The following TASOR variants were observed in gnomAD, a reference collection of about 807,000 sequenced individuals.
TASOR encodes transcription activation suppressor.
In TASOR, 53 loss-of-function variants were observed where a neutral mutation model predicts 178.6. The ratio of observed to expected loss-of-function variants is 0.30; its 90% CI spans 0.24 to 0.37. TASOR has a LOEUF of 0.37. Among genes scored for constraint, TASOR ranks in the 10% least tolerant of loss-of-function variants. TASOR has a pLI of 1.00. For missense variants in TASOR, 1,815 were observed against 1,971.4 expected (o/e 0.92, Z 1.50); for synonymous variants, 713 against 696.2 (o/e 1.02, Z -0.38).
chr3:56,677,060 G>C (rs1288538560), intron 1 of TASOR, among the ~76,000 whole-genome samples: 1 of 152,152 alleles, frequency 6.6e-6, no homozygotes. Context: ...AGGATTTCAA[G>C]TCAACTTGCT....
In TASOR at chr3:56,683,027, T is replaced by C; in HGVS notation, c.-21A>G. On this transcript the variant is annotated 5_prime_UTR_variant, in exon 1 of 24. Coordinates refer to ENST00000683822, the MANE Select transcript of TASOR (RefSeq NM_001365635.2). The stretch of plus-strand genomic sequence containing the variant: ...GCCATCGCGCCGGCCTAAGGAGCTC[T>C]GGGAAGCTTCTGCCCACAAGGTCGA... 1 of 1,508,994 alleles carries C rather than the reference T, an allele frequency of 6.6e-7. No homozygotes were observed. The allele number at this position is 1,508,994 out of a possible 1,614,324, so 93.5% of individuals were successfully genotyped here.
intron 14 of TASOR, among the ~76,000 whole-genome samples, chr3:56,645,735 T>C (rs2077222752): frequency 1.3e-5 from 2 of 152,224 alleles, no homozygotes; most frequent in Non-Finnish European, 2.9e-5. Context: ...TCCTGGATTC[T>C]TGGGGTAGAA....
At position 56,669,825 on chromosome 3, in the gene TASOR, A is replaced by G. The variant is rs1323314718; in HGVS notation, c.644-34T>C. ...GACGGAAAAATTAAGGAAACTGATT[A>G]TATTTTTCAAAATCACTAGGACTAA... On this transcript the variant is annotated intron_variant, in intron 4 of 23. Coordinates refer to ENST00000683822, the MANE Select transcript of TASOR (RefSeq NM_001365635.2). The G allele has an allele frequency of 1.7e-5, 24 of 1,419,788 alleles. No homozygotes were observed. In the East Asian group the frequency reaches 5.0e-4, roughly 29 times the overall value. The allele number at this position is 1,419,788 out of a possible 1,614,324, so 87.9% of individuals were successfully genotyped here.
chr3:56,663,551 A>G lies in TASOR; in HGVS notation c.1044T>C (p.Asp348=). ...PSSRSNSFNT[D]RNIDKYNYTL... ...ACATAAATCTCTTACCTATGTTTCTATCTGTATTAAAGCTGTTAGATCTAC... is the reference window on the plus strand; with the variant it reads ...ACATAAATCTCTTACCTATGTTTCTGTCTGTATTAAAGCTGTTAGATCTAC... Residue 348 remains aspartate (D), a synonymous_variant, in exon 8 of 24, where the codon GAT becomes GAC. Coordinates refer to ENST00000683822, the MANE Select transcript of TASOR (RefSeq NM_001365635.2). The G allele has an allele frequency of 8.5e-7, 1 of 1,180,182 alleles. No individual in the cohort carries two copies. The highest frequency in any genetic ancestry group is 1.6e-5 in the African/African-American group (1 of 63,860). The allele number at this position is 1,180,182 out of a possible 1,614,324, so 73.1% of individuals were successfully genotyped here.
intron 2 of TASOR, 30 bp downstream of exon 2, chr3:56,673,550 A>G (rs765418704): frequency 4.7e-6 from 7 of 1,489,412 alleles, no homozygotes; most frequent in South Asian, 4.2e-5. Flanking sequence ...TCTGAAAACA[A>G]TCTTACAGTA....
intron 1 of TASOR, among the ~76,000 whole-genome samples, chr3:56,679,311 AGT>A (rs1193629043): frequency 6.6e-6 from 1 of 152,228 alleles, no homozygotes; most frequent in African/African-American, 2.4e-5. Flanking sequence ...GGTTGAACAT[AGT>A]GTACAATTAG....
chr3:56,646,825 A>C lies in TASOR; in HGVS notation c.1912T>G (p.Tyr638Asp). 1 of 1,611,236 alleles carries C rather than the reference A, an allele frequency of 6.2e-7. No homozygotes were observed. The highest frequency in any genetic ancestry group is 8.5e-7 in the Non-Finnish European group (1 of 1,179,420). ...KLQQFSPLSD[Y>D]EGQEEEMNGT... ...TTCATTTCTTCTTCTTGACCTTCAT[A>C]ATCTGAAAGTGGACTAAACTGCTGA... The change falls in exon 14 of 24, where the codon TAT becomes GAT. Residue 638 changes from tyrosine to aspartate, a missense_variant. Around this residue, in one of 5 missense-constraint regions of TASOR, gnomAD observed 504 missense variants for 645.3 expected, o/e 0.78. Coordinates refer to ENST00000683822, the MANE Select transcript of TASOR (RefSeq NM_001365635.2).
At chr3:56,676,962 C>T (rs966496527) in intron 1 of TASOR, among the ~76,000 whole-genome samples, 5 of 152,180 alleles carry the variant, frequency 3.3e-5, no homozygotes, top group Admixed American at 2.0e-4. Context: ...TTGCAAATGC[C>T]TCAGTGGCTT....
At chr3:56,659,077 T>G (rs1361365202) in intron 11 of TASOR, among the ~76,000 whole-genome samples, 2 of 152,140 alleles carry the variant, frequency 1.3e-5, no homozygotes, top group East Asian at 3.8e-4. Flanking sequence ...CCTGGAAGTT[T>G]TATGTCAATC....
intron 1 of TASOR, among the ~76,000 whole-genome samples, chr3:56,675,060 C>T (rs993371700): frequency 2.6e-5 from 4 of 152,100 alleles, no homozygotes; most frequent in Admixed American, 6.6e-5. Context: ...CTCCTGACCT[C>T]GTGATCCACC....
intron 14 of TASOR, 145 bp downstream of exon 14, chr3:56,646,377 G>T: frequency 1.5e-6 from 1 of 652,418 alleles, no homozygotes; most frequent in Non-Finnish European, 2.6e-6. Flanking sequence ...AAATGGGCAT[G>T]GCTGTATTCA....
At chr3:56,639,915 G>T in intron 16 of TASOR, 71 bp downstream of exon 16, 1 of 1,387,404 alleles carries the variant, frequency 7.2e-7, no homozygotes, top group Non-Finnish European at 9.9e-7. Context: ...ATCCACAGAA[G>T]ATGGAAACAT....
chr3:56,662,207 A>T (rs2077613423), intron 9 of TASOR, among the ~76,000 whole-genome samples, 178 bp downstream of exon 9: 1 of 152,160 alleles, frequency 6.6e-6, no homozygotes, highest in African/African-American at 2.4e-5. Flanking sequence ...ACAGAGACGT[A>T]GAGGACTCAT....
intron 3 of TASOR, 178 bp downstream of exon 3, chr3:56,671,422 C>A: frequency 1.9e-6 from 1 of 519,700 alleles, no homozygotes; most frequent in Non-Finnish European, 3.4e-6. Context: ...AGAGAAAAAA[C>A]TGAGTACATT....
chr3:56,661,971 C>A (rs867932538), intron 9 of TASOR, among the ~76,000 whole-genome samples: 32 of 149,970 alleles, frequency 2.1e-4, no homozygotes, highest in African/African-American at 7.6e-4. Flanking sequence ...ACTAAAAATA[C>A]AAAAAAAAAT....
intron 14 of TASOR, among the ~76,000 whole-genome samples, chr3:56,643,017 A>G (rs963582020): frequency 2.8e-4 from 43 of 151,722 alleles, no homozygotes; most frequent in African/African-American, 9.9e-4. Flanking sequence ...TAATCTCAGC[A>G]CTTTGGAAGG....
chr3:56,683,076 G>C lies in TASOR; in HGVS notation c.-70C>G, dbSNP rs1412887637. 3 of 1,422,182 alleles carry C rather than the reference G, an allele frequency of 2.1e-6. No homozygotes were observed. The Admixed American group carries it at 8.4e-5, about 40-fold the overall frequency. The allele number at this position is 1,422,182 out of a possible 1,614,324, so 88.1% of individuals were successfully genotyped here. ...GACGGGTGTGGGGGGAAGGGGCGGCGGGCCAGTCTCGCCGCCGAGCTGCTC... is the reference window on the plus strand; with the variant it reads ...GACGGGTGTGGGGGGAAGGGGCGGCCGGCCAGTCTCGCCGCCGAGCTGCTC... On this transcript the variant is annotated 5_prime_UTR_variant, in exon 1 of 24. Transcript: ENST00000683822.
rs997367278 is a variant in TASOR, at chr3:56,671,671, G to T, written c.499C>A (p.Leu167Met). Residue 167 changes from leucine to methionine, a missense_variant, in exon 3 of 24, where the codon CTG becomes ATG. Leu to Met is a conservative substitution (Grantham distance 15). Coordinates refer to ENST00000683822, the MANE Select transcript of TASOR (RefSeq NM_001365635.2). ...EKEFTEKRRELKFDGRLDKEL... is the reference protein window; with the variant it reads ...EKEFTEKRREMKFDGRLDKEL... The stretch of plus-strand genomic sequence containing the variant: ...TTATCTAAACGACCATCAAACTTCA[G>T]TTCTCTTCGCTTTTCTGTAAACTAA... 1.3e-6 allele frequency: 2 copies of T among 1,548,718 alleles called. No individual in the cohort carries two copies. The highest frequency in any genetic ancestry group is 3.9e-5 in the Admixed American group (2 of 50,796).
chr3:56,624,457 A>C (rs772466594), intron 23 of TASOR, 22 bp downstream of exon 23: 1 of 1,603,894 alleles, frequency 6.2e-7, no homozygotes, highest in Admixed American at 1.7e-5. Context: ...GTTAAAGAAA[A>C]TGAAAACCAC....
Sources: gnomAD v4.1 joint callset for allele counts (sites outside exome capture counted in the v4.1 genomes callset) on GRCh38, gnomAD v4.1.1 for gene constraint, gnomAD v4.1.1 regional missense constraint, MANE v1.5 for transcripts, NCBI Gene and HGNC (gene_info 2026-07-23, HGNC 2026-07-21) for gene names.